Variants in ROBO2 observed in about 807,000 individuals in gnomAD.
ROBO2 encodes roundabout guidance receptor 2.
A neutral mutation model predicts 160.8 loss-of-function variants in ROBO2; 53 were observed. The observed-to-expected ratio is 0.33, with a 90% CI of 0.26 to 0.41. The LOEUF is 0.41. ROBO2 is among the 10% of genes least tolerant of loss of function. The pLI is 1.00. For synonymous variants in ROBO2, 664 were observed against 611.7 expected (o/e 1.09, Z -1.26); for missense variants, 1,577 against 1,722.4 (o/e 0.92, Z 1.49).
chr3:76,678,712 G>A (rs2092477913), intron 2 of ROBO2, among the ~76,000 whole-genome samples: 1 of 152,008 alleles, frequency 6.6e-6, no homozygotes, highest in Admixed American at 6.6e-5. Context: ...TTAAAAAAGG[G>A]GCTCTGGAGA....
At chr3:76,937,483 C>T (rs571793673) in intron 2 of ROBO2, among the ~76,000 whole-genome samples, 1 of 151,882 alleles carries the variant, frequency 6.6e-6, no homozygotes, top group Non-Finnish European at 1.5e-5. Flanking sequence ...TTTGTTTTCA[C>T]TTAAGTATAT....
chr3:77,510,290 A>G (rs1283711721), intron 5 of ROBO2, among the ~76,000 whole-genome samples: 1 of 152,140 alleles, frequency 6.6e-6, no homozygotes, highest in Non-Finnish European at 1.5e-5. Flanking sequence ...ATAACTGAAG[A>G]TATAGACAAG....
chr3:76,321,007 A>G (rs1031672471), intron 2 of ROBO2, among the ~76,000 whole-genome samples: 6 of 152,348 alleles, frequency 3.9e-5, no homozygotes, highest in African/African-American at 1.4e-4. Flanking sequence ...AAAGATATAC[A>G]TGCATTCATT....
intron 2 of ROBO2, among the ~76,000 whole-genome samples, chr3:76,096,717 T>C (rs1576840610): frequency 6.6e-6 from 1 of 152,326 alleles, no homozygotes; most frequent in African/African-American, 2.4e-5. Flanking sequence ...TAATCCTTAC[T>C]ACAACCCAGC....
intron 2 of ROBO2, chr3:76,434,919 A>G (rs1049700670): frequency 3.8e-6 from 6 of 1,598,734 alleles, no homozygotes; most frequent in South Asian, 2.2e-5. Flanking sequence ...TAAACCCCAA[A>G]CCAGCCCATC....
chr3:76,103,046 A>G (rs1340252182), intron 2 of ROBO2, among the ~76,000 whole-genome samples: 2 of 151,940 alleles, frequency 1.3e-5, no homozygotes, highest in Admixed American at 1.3e-4. Flanking sequence ...GATGGTCTCA[A>G]TCTCCTGACC....
chr3:76,265,156 G>T (rs539923607), intron 2 of ROBO2, among the ~76,000 whole-genome samples: 1 of 152,164 alleles, frequency 6.6e-6, no homozygotes, highest in Admixed American at 6.5e-5. Flanking sequence ...TGAGTCCCTG[G>T]GTCCTTTTTC....
At chr3:75,941,506 A>C (rs559066903) in intron 2 of ROBO2, among the ~76,000 whole-genome samples, 2 of 152,180 alleles carry the variant, frequency 1.3e-5, no homozygotes, top group African/African-American at 2.4e-5. Context: ...ATTTTAATCA[A>C]TTTGGTTTCC....
intron 2 of ROBO2, among the ~76,000 whole-genome samples, chr3:76,458,756 G>T (rs1191845090): frequency 1.3e-5 from 2 of 151,300 alleles, no homozygotes; most frequent in Admixed American, 1.3e-4. Context: ...CTTCTTACAT[G>T]GCTGAGGCAA....
chr3:76,151,016 C>T (rs917042950), intron 2 of ROBO2, among the ~76,000 whole-genome samples: 10 of 152,104 alleles, frequency 6.6e-5, no homozygotes, highest in East Asian at 3.9e-4. Context: ...CCGACCCTAC[C>T]GTGTGTTGGG....
intron 2 of ROBO2, among the ~76,000 whole-genome samples, chr3:77,251,383 A>G (rs2090327253): frequency 6.6e-6 from 1 of 152,158 alleles, no homozygotes; most frequent in Non-Finnish European, 1.5e-5. Context: ...TTTGGAATTC[A>G]GGGAGCAGAG....
chr3:77,292,745 A>T (rs1247680366), intron 2 of ROBO2, among the ~76,000 whole-genome samples: 1 of 96,062 alleles, frequency 1.0e-5, no homozygotes, highest in East Asian at 3.4e-4. Flanking sequence ...CGGGAAGTTG[A>T]GGCTAGAGCA....
At chr3:75,968,533 C>T (rs993430671) in intron 2 of ROBO2, among the ~76,000 whole-genome samples, 1 of 151,544 alleles carries the variant, frequency 6.6e-6, no homozygotes, top group Non-Finnish European at 1.5e-5. Flanking sequence ...ATTATTACTA[C>T]AATCAAGCCA....
intron 2 of ROBO2, among the ~76,000 whole-genome samples, chr3:76,931,762 G>T (rs2086635172): frequency 6.6e-6 from 1 of 152,038 alleles, no homozygotes; most frequent in Non-Finnish European, 1.5e-5. Flanking sequence ...GCTCACTGCA[G>T]CCTTTGCTTC....
At chr3:77,510,917 T>G (rs1172212502) in intron 5 of ROBO2, among the ~76,000 whole-genome samples, 1 of 151,924 alleles carries the variant, frequency 6.6e-6, no homozygotes, top group Non-Finnish European at 1.5e-5. Context: ...GGGCAAACCC[T>G]CAGTAAAGAC....
intron 2 of ROBO2, among the ~76,000 whole-genome samples, chr3:76,597,413 TA>T (rs993598777): frequency 2.0e-5 from 3 of 151,694 alleles, no homozygotes; most frequent in Non-Finnish European, 4.4e-5. Context: ...AACTCAATAG[TA>T]AAACAAACTA....
chr3:76,801,266 T>C (rs559577601), intron 2 of ROBO2, among the ~76,000 whole-genome samples: 20 of 151,956 alleles, frequency 1.3e-4, no homozygotes, highest in Non-Finnish European at 2.6e-4. Context: ...CTGGGAAGGG[T>C]CGTGTGGGAG....
At chr3:76,914,580 C>T (rs2076194501) in intron 2 of ROBO2, among the ~76,000 whole-genome samples, 1 of 151,906 alleles carries the variant, frequency 6.6e-6, no homozygotes. Context: ...AAATCTGTGT[C>T]ATTTCTCAGT....
At chr3:76,055,523 T>C (rs2067811163) in intron 2 of ROBO2, among the ~76,000 whole-genome samples, 1 of 151,830 alleles carries the variant, frequency 6.6e-6, no homozygotes, top group African/African-American at 2.4e-5. Flanking sequence ...GAGTTTTCAG[T>C]GTCTATTATC....
Sources: gnomAD v4.1 joint callset for allele counts (sites outside exome capture counted in the v4.1 genomes callset) on GRCh38, gnomAD v4.1.1 for gene constraint, MANE v1.5 for transcripts, NCBI Gene and HGNC (gene_info 2026-07-23, HGNC 2026-07-21) for gene names.